Variants in CACNA1D observed in about 807,000 individuals in gnomAD.
The protein encoded by CACNA1D is calcium voltage-gated channel subunit alpha1 D, also known as voltage-dependent L-type calcium channel subunit alpha-1D.
CACNA1D carries 55 observed loss-of-function variants against 257.1 expected under a neutral mutation model. That is an observed-to-expected ratio of 0.21 (90% CI 0.17 to 0.27). CACNA1D has a LOEUF of 0.27. CACNA1D is among the 10% of genes least tolerant of loss of function. The pLI is 1.00. For synonymous variants in CACNA1D, 980 were observed against 1,014.9 expected (o/e 0.97, Z 0.65); for missense variants, 1,876 against 2,784.0 (o/e 0.67, Z 7.34).
At position 53,774,351 on chromosome 3, in the gene CACNA1D, G is replaced by A. The variant is rs2095384089; in HGVS notation, c.4111-236G>A. On this transcript the variant is annotated intron_variant, in intron 33 of 47. Coordinates refer to ENST00000350061, the MANE Select transcript of CACNA1D (RefSeq NM_001128840.3). The surrounding 1 kb of genome is among the most constrained non-coding windows in gnomAD (Gnocchi z 4.3). ...CCTGGCTACCTTTGTGTCTCCCCCA[G>A]GGGAGATCCGCGAATGTGAGACCGT... 10 of 515,770 alleles carry A rather than the reference G, an allele frequency of 1.9e-5. No individual in the cohort carries two copies. In the South Asian group the frequency reaches 2.0e-4, roughly 10 times the overall value. 31.9% of individuals were successfully genotyped at this position (515,770 alleles called of 1,614,324 possible). A position where few individuals can be genotyped will look rare whatever the true frequency, so the allele number is the denominator to read the frequency against.
At chr3:53,623,214 G>A (rs2093718459) in intron 3 of CACNA1D, among the ~76,000 whole-genome samples, 1 of 152,074 alleles carries the variant, frequency 6.6e-6, no homozygotes, top group Non-Finnish European at 1.5e-5. Flanking sequence ...GAGAAAGCGC[G>A]GTGTATCAAA....
At chr3:53,603,959 G>A (rs1006092356) in intron 3 of CACNA1D, among the ~76,000 whole-genome samples, 1 of 152,184 alleles carries the variant, frequency 6.6e-6, no homozygotes, top group Admixed American at 6.5e-5. Context: ...TATATTTAAT[G>A]GGATGCAGGA....
intron 32 of CACNA1D, among the ~76,000 whole-genome samples, chr3:53,772,584 A>G (rs1031358348): frequency 6.6e-6 from 1 of 152,238 alleles, no homozygotes; most frequent in African/African-American, 2.4e-5. Context: ...CTACAGGGTT[A>G]ATGACCGTGG....
chr3:53,804,649 C>T (rs924974618), intron 44 of CACNA1D, among the ~76,000 whole-genome samples: 1 of 152,206 alleles, frequency 6.6e-6, no homozygotes, highest in Non-Finnish European at 1.5e-5. Context: ...CCTTGGTGCC[C>T]AGCACCTGGC....
intron 30 of CACNA1D, among the ~76,000 whole-genome samples, chr3:53,768,214 GTGTCTTCCCTGACCAACAGGCCCCTTAC>G (rs2095346050): frequency 6.6e-6 from 1 of 152,228 alleles, no homozygotes; most frequent in Admixed American, 6.5e-5. Context: ...GTGGCCAGGA[GTGTCTTCCCTGACCAACAGGCCCCTTAC>G]TGTCTTGCAG....
Position 53,625,472 on chromosome 3 carries a change from C to T in CACNA1D, c.484-25307C>T, listed in dbSNP as rs1306333352. On this transcript the variant is annotated intron_variant, in intron 3 of 47. Transcript: ENST00000350061. ...CTGTGTTCTTGCTCTACTGAGTACT[C>T]TCAGCTGTGTGGTTGCTTTAGGACC... Among the ~76,000 whole-genome samples, 6 of 152,192 alleles carry T rather than the reference C, an allele frequency of 3.9e-5. No individual in the cohort carries two copies. In the East Asian group the frequency reaches 7.7e-4, roughly 20 times the overall value.
At chr3:53,640,549 G>A (rs1252848011) in intron 3 of CACNA1D, among the ~76,000 whole-genome samples, 2 of 152,208 alleles carry the variant, frequency 1.3e-5, no homozygotes, top group African/African-American at 4.8e-5. Flanking sequence ...ATTCTGCAGA[G>A]GTAGATGGAA....
Position 53,800,116 on chromosome 3 carries a change from G to A in CACNA1D, c.4924-133G>A. Reference sequence around the variant, plus strand: ...CCTTAGACTGCCTTCAGTGACATCAGTCAGTGCCCTGGATTGGCTTTTGGG... The same window carrying A: ...CCTTAGACTGCCTTCAGTGACATCAATCAGTGCCCTGGATTGGCTTTTGGG... On this transcript the variant is annotated intron_variant, in intron 40 of 47. Transcript: ENST00000350061. This position sits in a 1 kb window ranked among gnomAD's most constrained non-coding sequence, Gnocchi z 4.3. The A allele has an allele frequency of 1.3e-6, 1 of 773,280 alleles. No homozygotes were observed. The highest frequency in any genetic ancestry group is 1.4e-5 in the South Asian group (1 of 72,656). 47.9% of individuals were successfully genotyped at this position (773,280 alleles called of 1,614,324 possible).
chr3:53,685,547 A>G (rs1052011766), intron 8 of CACNA1D, among the ~76,000 whole-genome samples: 3 of 152,158 alleles, frequency 2.0e-5, no homozygotes, highest in Non-Finnish European at 2.9e-5. Context: ...AGCACGTGGA[A>G]CATTCACCGA....
chr3:53,691,883 ATATATTATATATATTACATATAT>A (rs1282779826), intron 8 of CACNA1D, among the ~76,000 whole-genome samples: 7 of 103,572 alleles, frequency 6.8e-5, no homozygotes, highest in African/African-American at 2.4e-4. Context: ...TACATATAAT[ATATATTATATATATTACATATAT>A]TATATATAAT....
intron 8 of CACNA1D, chr3:53,674,059 T>C (rs78742538): frequency 0.03 from 18,038 of 596,106 alleles, 488 homozygotes; most frequent in East Asian, 0.1. Flanking sequence ...CCAGTTGTGT[T>C]AGTATGTGAA....
intron 3 of CACNA1D, among the ~76,000 whole-genome samples, chr3:53,564,458 CATTT>C (rs1368746403): frequency 6.6e-6 from 1 of 152,114 alleles, no homozygotes; most frequent in Non-Finnish European, 1.5e-5. Flanking sequence ...TTTGAATACT[CATTT>C]ATTAAACTTC....
chr3:53,748,540 G>A (rs966151772), intron 26 of CACNA1D, among the ~76,000 whole-genome samples: 2 of 152,224 alleles, frequency 1.3e-5, no homozygotes, highest in African/African-American at 4.8e-5. Flanking sequence ...GGTGGCAGCT[G>A]AGGAGAAAGG....
Position 53,811,635 on chromosome 3 carries a change from A to G in CACNA1D, c.*229A>G. On this transcript the variant is annotated 3_prime_UTR_variant, in exon 48 of 48. Transcript: ENST00000350061. The surrounding 1 kb of genome is among the most constrained non-coding windows in gnomAD (Gnocchi z 4.2). ...ATGCGCTCGGCCCCAGCTGCAGGAAACAGCAGGCCCCGCCCTCTCACAGAG... is the reference window on the plus strand; with the variant it reads ...ATGCGCTCGGCCCCAGCTGCAGGAAGCAGCAGGCCCCGCCCTCTCACAGAG... The G allele has an allele frequency of 2.2e-6, 1 of 448,806 alleles. No individual in the cohort carries two copies. The highest frequency in any genetic ancestry group is 3.9e-6 in the Non-Finnish European group (1 of 253,602). The allele number at this position is 448,806 out of a possible 1,614,324, so 27.8% of individuals were successfully genotyped here.
At position 53,800,342 on chromosome 3, in the gene CACNA1D, G is replaced by A. The variant is rs147973409; in HGVS notation, c.5017G>A (p.Glu1673Lys). The A allele has an allele frequency of 5.1e-4, 820 of 1,610,574 alleles. No homozygotes were observed. Among genetic ancestry groups the A allele is most frequent in the Non-Finnish European group, 6.4e-4 (748 of 1,176,834 alleles). ...QDDEPEETKREEEDDVFKRNG... is the reference protein window; with the variant it reads ...QDDEPEETKRKEEDDVFKRNG... ...TGACGAGCCTGAGGAAACAAAACGA[G>A]AAGAAGAAGATGATGTGTTCAAAGT... Residue 1673 changes from glutamate to lysine, a missense_variant, in exon 41 of 48, where the codon GAA becomes AAA. Transcript: ENST00000350061. This position sits in a 1 kb window ranked among gnomAD's most constrained non-coding sequence, Gnocchi z 4.3.
intron 40 of CACNA1D, chr3:53,791,912 A>C (rs2106650375): frequency 6.6e-6 from 1 of 152,444 alleles, no homozygotes; most frequent in Middle Eastern, 3.4e-3. Flanking sequence ...CTTGGGCAAG[A>C]CACTTAACCT....
chr3:53,630,288 T>C (rs1318787579), intron 3 of CACNA1D, among the ~76,000 whole-genome samples: 1 of 152,218 alleles, frequency 6.6e-6, no homozygotes, highest in African/African-American at 2.4e-5. Flanking sequence ...AACAAGAACA[T>C]AAAGATACAG....
At chr3:53,624,901 A>C (rs2093739272) in intron 3 of CACNA1D, among the ~76,000 whole-genome samples, 1 of 152,220 alleles carries the variant, frequency 6.6e-6, no homozygotes, top group Non-Finnish European at 1.5e-5. Flanking sequence ...CATTCCAGTG[A>C]CAGCGAACAT....
chr3:53,637,879 A>G (rs574488737), intron 3 of CACNA1D, among the ~76,000 whole-genome samples: 1 of 152,334 alleles, frequency 6.6e-6, no homozygotes, highest in South Asian at 2.1e-4. Context: ...TTACTTGGTA[A>G]TACTAAAGCA....
Sources: allele counts gnomAD v4.1 joint callset (sites outside exome capture counted in the v4.1 genomes callset), GRCh38; gene constraint gnomAD v4.1.1; non-coding constraint Gnocchi (gnomAD v3.1); transcripts MANE v1.5; gene names NCBI Gene and HGNC (gene_info 2026-07-23, HGNC 2026-07-21).